The following ALG9 variants were observed in gnomAD, a reference collection of about 807,000 sequenced individuals.
The protein encoded by ALG9 is ALG9 alpha-1,2-mannosyltransferase, also known as alpha-1,2-mannosyltransferase ALG9.
Under a neutral mutation model 81.8 loss-of-function variants are expected in ALG9, and 55 were observed. The ratio of observed to expected loss-of-function variants is 0.67; its 90% CI spans 0.54 to 0.84. The LOEUF is 0.84. Ranked by LOEUF, ALG9 falls within the 40% of genes least tolerant of loss-of-function variation. The pLI is 0.00. For synonymous variants in ALG9, 278 were observed against 274.3 expected (o/e 1.01, Z -0.13); for missense variants, 629 against 745.0 (o/e 0.84, Z 1.81).
At chr11:111,802,177 C>G (rs1949224941) in intron 14 of ALG9, among the ~76,000 whole-genome samples, 1 of 152,216 alleles carries the variant, frequency 6.6e-6, no homozygotes, top group Non-Finnish European at 1.5e-5. Flanking sequence ...CTGCAGAAAC[C>G]TTCGGTTCCC....
rs374977051 is a variant in ALG9, at chr11:111,860,561, A to C, written c.551T>G (p.Phe184Cys). 38 of 1,613,980 alleles carry C rather than the reference A, an allele frequency of 2.4e-5. No homozygotes were observed. Among genetic ancestry groups the C allele is most frequent in the Non-Finnish European group, 3.4e-6 (4 of 1,179,996 alleles). Reference protein sequence around the residue: ...LAFLVLSTGMFCSSSAFLPSS... With the variant: ...LAFLVLSTGMCCSSSAFLPSS... ...CTTTTACTTACCTGATGATGAGCAA[A>C]ACATGCCAGTGCTGAGAACCAAGAA... Residue 184 changes from phenylalanine to cysteine, a missense_variant, in exon 5 of 15, where the codon TTT becomes TGT. This residue lies in a region of ALG9 where 344 missense variants were observed against 390.5 expected (regional missense o/e 0.88). Coordinates refer to ENST00000616540, the MANE Select transcript of ALG9 (RefSeq NM_024740.2).
intron 4 of ALG9, among the ~76,000 whole-genome samples, chr11:111,861,475 C>G (rs1960099478): frequency 6.6e-6 from 1 of 152,074 alleles, no homozygotes; most frequent in Non-Finnish European, 1.5e-5. Context: ...TCTTCCCCTC[C>G]TCCTCCCACT....
At chr11:111,834,419 T>C (rs1296123269) in intron 13 of ALG9, among the ~76,000 whole-genome samples, 2 of 152,208 alleles carry the variant, frequency 1.3e-5, no homozygotes, top group Non-Finnish European at 2.9e-5. Context: ...ACCTGGAATC[T>C]GTCTAATATA....
At chr11:111,769,557 T>A in the ALG9 span, 1 of 151,552 alleles carries the variant, frequency 6.6e-6, no homozygotes, top group Non-Finnish European at 1.5e-5. Context: ...AGGTTGAGGC[T>A]GCAGTGAGCT....
chr11:111,871,007 T>G lies in ALG9; in HGVS notation c.131+345A>C, dbSNP rs1592466333. ...ATGGGCCCAGTAAAGGGTCGGGACT[T>G]GAGGGAGAATAAAAGGAGCTGTGAG... On this transcript the variant is annotated intron_variant, in intron 1 of 14. Coordinates refer to ENST00000616540, the MANE Select transcript of ALG9 (RefSeq NM_024740.2). The G allele has an allele frequency of 6.7e-6, 7 of 1,043,126 alleles. No homozygotes were observed. The South Asian group carries it at 2.6e-4, about 38-fold the overall frequency. 64.6% of individuals were successfully genotyped at this position (1,043,126 alleles called of 1,614,324 possible).
intron 10 of ALG9, 109 bp downstream of exon 10, chr11:111,840,546 G>A: frequency 1.5e-6 from 2 of 1,305,322 alleles, no homozygotes; most frequent in Non-Finnish European, 1.1e-6. Context: ...TTAATGTTAT[G>A]GATAAAATAT....
At chr11:111,870,754 C>T in intron 1 of ALG9, 1 of 1,012,712 alleles carries the variant, frequency 9.9e-7, no homozygotes, top group Non-Finnish European at 1.2e-6. Flanking sequence ...TCCATTTATC[C>T]CAAGCCAACT....
rs553918073 is a variant in ALG9 at position 111,795,704 on chromosome 11, G to T, written c.1734-9184C>A. ...GCACAAACTGGAATCGTGGCATCGT[G>T]AGACTGGTATACAGAGTGGATCATT... On this transcript the variant is annotated intron_variant, in intron 14 of 14. Coordinates refer to ENST00000616540, the MANE Select transcript of ALG9 (RefSeq NM_024740.2). Among the ~76,000 whole-genome samples the T allele has an allele frequency of 2.6e-5, 4 of 152,314 alleles. No homozygotes were observed. In the South Asian group the frequency reaches 8.3e-4, roughly 32 times the overall value.
intron 14 of ALG9, among the ~76,000 whole-genome samples, chr11:111,807,754 G>A (rs1313986912): frequency 6.6e-6 from 1 of 152,132 alleles, no homozygotes; most frequent in Non-Finnish European, 1.5e-5. Flanking sequence ...TCGTGCTACT[G>A]CACTCCAGAC....
intron 14 of ALG9, among the ~76,000 whole-genome samples, chr11:111,799,425 G>T (rs1183289454): frequency 6.7e-6 from 1 of 150,116 alleles, no homozygotes. Flanking sequence ...ACAGGCATGA[G>T]CCACCGTGCC....
At chr11:111,845,049 C>T (rs1555127918) in intron 8 of ALG9, 10 of 286,476 alleles carry the variant, frequency 3.5e-5, no homozygotes, top group Non-Finnish European at 6.9e-5. Flanking sequence ...TAATTTAAAT[C>T]GCTTTAGAGC....
chr11:111,768,952 T>A, the ALG9 span: 1 of 151,840 alleles, frequency 6.6e-6, no homozygotes, highest in African/African-American at 2.4e-5. Context: ...GACAGAGGGC[T>A]AAGAGGTTTT....
the ALG9 span, among the ~76,000 whole-genome samples, chr11:111,773,045 T>C: frequency 1.3e-5 from 2 of 151,862 alleles, no homozygotes; most frequent in Non-Finnish European, 2.9e-5. Context: ...GAGACCATCC[T>C]GGCTAACATA....
chr11:111,850,476 C>G (rs1446764271), intron 8 of ALG9, among the ~76,000 whole-genome samples: 2 of 152,002 alleles, frequency 1.3e-5, no homozygotes, highest in African/African-American at 4.8e-5. Context: ...GAAGCTGAGG[C>G]AGGCAGATCA....
intron 14 of ALG9, among the ~76,000 whole-genome samples, chr11:111,787,660 G>A (rs1364155271): frequency 2.6e-5 from 4 of 151,694 alleles, no homozygotes; most frequent in African/African-American, 4.8e-5. Flanking sequence ...GGGTTTCACC[G>A]TGTTAGCCAG....
rs144803324 is a variant in ALG9 at position 111,826,615 on chromosome 11, A to G, written c.1602+9550T>C. Reference sequence around the variant, plus strand: ...TCAAACAATCCTCACCTCTCCTGGTAGCTTTTGATTTTTCAATTATCAAAT... The same window carrying G: ...TCAAACAATCCTCACCTCTCCTGGTGGCTTTTGATTTTTCAATTATCAAAT... On this transcript the variant is annotated intron_variant, in intron 13 of 14. Transcript: ENST00000616540. 4.6e-5 allele frequency among the ~76,000 whole-genome samples: 7 copies of G among 152,146 alleles called. No homozygotes were observed. In the East Asian group the frequency reaches 1.4e-3, roughly 29 times the overall value.
rs1251696751 is a variant in ALG9 at position 111,871,581 on chromosome 11, C to T, written c.-99G>A. 5.2e-6 allele frequency: 8 copies of T among 1,530,968 alleles called. No individual in the cohort carries two copies. The highest frequency in any genetic ancestry group is 7.0e-6 in the Non-Finnish European group (8 of 1,144,098). The allele number at this position is 1,530,968 out of a possible 1,614,324, so 94.8% of individuals were successfully genotyped here. A position where few individuals can be genotyped will look rare whatever the true frequency, so the allele number is the denominator to read the frequency against. ...ACGGTGTCCGCCGAGGGACAAAAGA[C>T]CTTGACATGCGCAGAAAATACTAAA... On this transcript the variant is annotated 5_prime_UTR_variant, in exon 1 of 15. Coordinates refer to ENST00000616540, the MANE Select transcript of ALG9 (RefSeq NM_024740.2).
intron 13 of ALG9, among the ~76,000 whole-genome samples, chr11:111,830,596 T>C (rs1472249656): frequency 2.6e-5 from 4 of 152,208 alleles, no homozygotes; most frequent in African/African-American, 9.6e-5. Context: ...TCTAATCTAA[T>C]TGCACTGTAT....
intron 13 of ALG9, among the ~76,000 whole-genome samples, chr11:111,815,968 C>T (rs1951412204): frequency 6.6e-6 from 1 of 152,188 alleles, no homozygotes. Flanking sequence ...ACCCAACATA[C>T]AGGACAGAAG....
Sources: gnomAD v4.1 joint callset for allele counts (sites outside exome capture counted in the v4.1 genomes callset) on GRCh38, gnomAD v4.1.1 for gene constraint, gnomAD v4.1.1 regional missense constraint, MANE v1.5 for transcripts, NCBI Gene and HGNC (gene_info 2026-07-23, HGNC 2026-07-21) for gene names.